The following LUC7L2 variants were observed in gnomAD, a reference collection of about 807,000 sequenced individuals.
LUC7L2 encodes LUC7 like 2, pre-mRNA splicing factor.
In LUC7L2, 25 loss-of-function variants were observed where a neutral mutation model predicts 52.8. The observed-to-expected ratio is 0.47, with a 90% confidence interval of 0.34 to 0.66. LUC7L2 has a LOEUF of 0.66. Among genes scored for constraint, LUC7L2 ranks in the 30% least tolerant of loss-of-function variants. The probability of loss-of-function intolerance (pLI) is 0.01; values close to 1 mark genes in which losing one functional copy is unlikely to be tolerated. For synonymous variants in LUC7L2, 144 were observed against 160.9 expected (o/e 0.89, Z 0.80); for missense variants, 328 against 497.8 (o/e 0.66, Z 3.25).
intron 9 of LUC7L2, among the ~76,000 whole-genome samples, chr7:139,420,530 C>CCTGT (rs1485092359): frequency 6.6e-6 from 1 of 152,122 alleles, no homozygotes; most frequent in African/African-American, 2.4e-5. Flanking sequence ...AACTATCTCA[C>CCTGT]CTGTCTTTCC....
At chr7:139,341,658 A>G in intron 1 of LUC7L2, 1 of 1,423,148 alleles carries the variant, frequency 7.0e-7, no homozygotes, top group Non-Finnish European at 9.3e-7. Flanking sequence ...GTTCTGACCA[A>G]ACCAACCCAG....
intron 2 of LUC7L2, among the ~76,000 whole-genome samples, chr7:139,388,111 G>A (rs1263160293): frequency 2.0e-5 from 3 of 151,906 alleles, no homozygotes; most frequent in Admixed American, 6.6e-5. Context: ...CTGAACCCCA[G>A]TATAGCACCT....
At chr7:139,397,378 G>A (rs1305096074) in intron 2 of LUC7L2, among the ~76,000 whole-genome samples, 2 of 152,146 alleles carry the variant, frequency 1.3e-5, no homozygotes, top group African/African-American at 4.8e-5. Context: ...TACATCATCT[G>A]ACTTTGTTCA....
At chr7:139,418,085 G>T (rs1795708957) in intron 9 of LUC7L2, among the ~76,000 whole-genome samples, 1 of 152,190 alleles carries the variant, frequency 6.6e-6, no homozygotes, top group African/African-American at 2.4e-5. Context: ...TTCATTACAA[G>T]AGTTGTTTAG....
chr7:139,384,194 TTAAC>T (rs1193126765), intron 2 of LUC7L2, among the ~76,000 whole-genome samples: 2 of 152,220 alleles, frequency 1.3e-5, no homozygotes, highest in Admixed American at 1.3e-4. Flanking sequence ...TAAGTATTAT[TTAAC>T]TAAGATTAAA....
At chr7:139,363,361 A>G in intron 1 of LUC7L2, 1 of 475,502 alleles carries the variant, frequency 2.1e-6, no homozygotes, top group South Asian at 8.9e-5. Flanking sequence ...GATTTTTCTG[A>G]TAAGGCATCA....
chr7:139,398,499 C>T (rs1266153606), intron 2 of LUC7L2, 100 bp from the exon 3 acceptor site: 1 of 867,010 alleles, frequency 1.2e-6, no homozygotes, highest in Non-Finnish European at 1.6e-6. Flanking sequence ...AAAAAAGCAT[C>T]TGTATGACTT....
intron 1 of LUC7L2, among the ~76,000 whole-genome samples, chr7:139,345,326 C>T (rs1338479886): frequency 1.3e-5 from 2 of 152,182 alleles, no homozygotes; most frequent in African/African-American, 2.4e-5. Context: ...GTCAGCTTTA[C>T]TAATAACTAT....
chr7:139,345,910 T>C (rs1467734085), intron 1 of LUC7L2: 3 of 500,756 alleles, frequency 6.0e-6, no homozygotes, highest in Non-Finnish European at 9.6e-6. Context: ...GTTTTTCTAC[T>C]TAAAAAAATT....
chr7:139,378,127 TC>T (rs1800812954), intron 2 of LUC7L2, among the ~76,000 whole-genome samples: 1 of 152,050 alleles, frequency 6.6e-6, no homozygotes, highest in African/African-American at 2.4e-5. Flanking sequence ...CATAATAAAC[TC>T]CTTTATCTAC....
chr7:139,382,282 C>T (rs371751765), intron 2 of LUC7L2, among the ~76,000 whole-genome samples: 2 of 152,216 alleles, frequency 1.3e-5, no homozygotes, highest in South Asian at 4.1e-4. Flanking sequence ...GCCTAAGCCT[C>T]CCAAAAAGAA....
intron 1 of LUC7L2, among the ~76,000 whole-genome samples, chr7:139,343,651 T>C (rs1237134374): frequency 6.6e-6 from 1 of 152,132 alleles, no homozygotes; most frequent in African/African-American, 2.4e-5. Context: ...GAAAGGGGAT[T>C]AGGCCAGGAG....
chr7:139,418,646 C>A (rs1010546500), intron 9 of LUC7L2, among the ~76,000 whole-genome samples: 1 of 152,106 alleles, frequency 6.6e-6, no homozygotes, highest in African/African-American at 2.4e-5. Flanking sequence ...AAATCACTCA[C>A]AAGCTGAGTT....
chr7:139,341,603 GTTTAATTC>G, intron 1 of LUC7L2: 2 of 1,539,286 alleles, frequency 1.3e-6, no homozygotes, highest in Non-Finnish European at 1.8e-6. Context: ...GGAGCACGGT[GTTTAATTC>G]CTGCATTTCT....
chr7:139,390,215 G>GTCTCTC (rs5887929), intron 2 of LUC7L2, among the ~76,000 whole-genome samples: 149 of 148,818 alleles, frequency 1.0e-3, no homozygotes, highest in African/African-American at 3.2e-3. Flanking sequence ...CCAGTGCCCA[G>GTCTCTC]TCTCTCTCTC....
intron 2 of LUC7L2, among the ~76,000 whole-genome samples, chr7:139,390,043 G>T (rs1232576544): frequency 6.6e-6 from 1 of 152,118 alleles, no homozygotes; most frequent in African/African-American, 2.4e-5. Flanking sequence ...CTTCTAGCTA[G>T]TGAGGAGACT....
intron 1 of LUC7L2, chr7:139,374,380 C>A: frequency 6.5e-7 from 1 of 1,537,502 alleles, no homozygotes; most frequent in Non-Finnish European, 8.8e-7. Flanking sequence ...AACAATCTGG[C>A]CCCTTGTTTT....
chr7:139,419,399 G>T (rs1369483344), intron 9 of LUC7L2, among the ~76,000 whole-genome samples: 1 of 152,192 alleles, frequency 6.6e-6, no homozygotes. Flanking sequence ...AATGAGGAGG[G>T]AGTTTGTAAA....
chr7:139,392,979 T>A (rs914425453), intron 2 of LUC7L2, among the ~76,000 whole-genome samples: 11 of 150,772 alleles, frequency 7.3e-5, no homozygotes, highest in South Asian at 2.1e-4. Flanking sequence ...AAAAAAAAAA[T>A]TTTAAGACCA....
Sources: allele counts gnomAD v4.1 joint callset (sites outside exome capture counted in the v4.1 genomes callset), GRCh38; gene constraint gnomAD v4.1.1; transcripts MANE v1.5; gene names NCBI Gene and HGNC (gene_info 2026-07-23, HGNC 2026-07-21).